Variants in CFTR observed in about 807,000 individuals in gnomAD.
CFTR encodes the protein cystic fibrosis transmembrane conductance regulator.
In CFTR, 181 loss-of-function variants were observed where a neutral mutation model predicts 171.6. That is an observed-to-expected ratio of 1.05 (90% CI 0.93 to 1.19). The LOEUF (loss-of-function observed/expected upper bound fraction) is 1.19. Ranked by LOEUF, CFTR falls within the 50% of genes most tolerant of loss-of-function variation. CFTR has a pLI of 0.00. For missense variants in CFTR, 1,968 were observed against 1,734.7 expected (o/e 1.13, Z -2.39); for synonymous variants, 583 against 608.0 (o/e 0.96, Z 0.60).
intron 23 of CFTR, among the ~76,000 whole-genome samples, chr7:117,649,361 GAT>G (rs769699216): frequency 6.9e-6 from 1 of 144,904 alleles, no homozygotes; most frequent in African/African-American, 2.5e-5. Context: ...CACACATCTA[GAT>G]ATATATATAC....
At chr7:117,590,853 G>T (rs1288532817) in intron 13 of CFTR, among the ~76,000 whole-genome samples, 3 of 151,884 alleles carry the variant, frequency 2.0e-5, no homozygotes, top group Admixed American at 6.6e-5. Context: ...TGTTTTACTG[G>T]TTTAATATGC....
intron 24 of CFTR, among the ~76,000 whole-genome samples, chr7:117,660,359 C>T (rs1318907818): frequency 2.0e-5 from 3 of 151,994 alleles, no homozygotes; most frequent in Non-Finnish European, 2.9e-5. Flanking sequence ...GGGCAGGACG[C>T]AGTGGCTCAC....
At chr7:117,641,852 T>C (rs967047815) in intron 22 of CFTR, among the ~76,000 whole-genome samples, 15 of 152,374 alleles carry the variant, frequency 9.8e-5, no homozygotes, top group Middle Eastern at 3.4e-3. Flanking sequence ...AGAATGTGAT[T>C]TGACAACTGT....
chr7:117,569,365 A>G (rs1045331471), intron 11 of CFTR, among the ~76,000 whole-genome samples: 1 of 152,172 alleles, frequency 6.6e-6, no homozygotes, highest in Admixed American at 6.6e-5. Context: ...TCCGCTTTGG[A>G]GAGGCCAAGT....
intron 1 of CFTR, among the ~76,000 whole-genome samples, chr7:117,482,651 C>CAT (rs1418182808): frequency 6.6e-6 from 1 of 152,116 alleles, no homozygotes; most frequent in Non-Finnish European, 1.5e-5. Context: ...ATTTATAATT[C>CAT]ATATACAAGT....
At chr7:117,570,752 T>C (rs1791676219) in intron 11 of CFTR, among the ~76,000 whole-genome samples, 1 of 152,240 alleles carries the variant, frequency 6.6e-6, no homozygotes, top group African/African-American at 2.4e-5. Context: ...AACTTCATAC[T>C]AGTTAATTTA....
In CFTR at chr7:117,536,474, G is replaced by T. The variant is rs1798957192; in HGVS notation, c.744-74G>T. 5 of 1,394,362 alleles carry T rather than the reference G, an allele frequency of 3.6e-6. No homozygotes were observed. The East Asian group carries it at 7.5e-5, about 21-fold the overall frequency. The allele number at this position is 1,394,362 out of a possible 1,614,324, so 86.4% of individuals were successfully genotyped here. ...TAAAAGAAATATGACTTAAAACCTT[G>T]AGCAGTTCTTAATAGATAATTTGAC... is the stretch of plus-strand genomic sequence containing the variant. On this transcript the variant is annotated intron_variant, in intron 6 of 26. Transcript: ENST00000003084.
At chr7:117,514,211 C>T (rs1469648572) in intron 3 of CFTR, among the ~76,000 whole-genome samples, 13 of 151,698 alleles carry the variant, frequency 8.6e-5, no homozygotes, top group Admixed American at 3.9e-4. Context: ...AATCCAACAA[C>T]GAGATACATG....
intron 1 of CFTR, among the ~76,000 whole-genome samples, chr7:117,484,463 C>T (rs966491866): frequency 3.3e-5 from 5 of 152,152 alleles, no homozygotes; most frequent in Admixed American, 3.3e-4. Flanking sequence ...GATAGGAGCC[C>T]TTCTGTCTTG....
intron 1 of CFTR, among the ~76,000 whole-genome samples, chr7:117,501,776 CA>C (rs796991857): frequency 0.024 from 2,044 of 84,310 alleles, 18 homozygotes; most frequent in East Asian, 0.1. Flanking sequence ...AAAAAAGAAA[CA>C]AAAAAAAAAA....
chr7:117,596,101 C>T (rs944612745), intron 15 of CFTR, among the ~76,000 whole-genome samples: 1 of 152,172 alleles, frequency 6.6e-6, no homozygotes, highest in Non-Finnish European at 1.5e-5. Context: ...CCTTTCTGGG[C>T]TGGCCAAGGC....
At chr7:117,521,374 C>T (rs956227593) in intron 3 of CFTR, among the ~76,000 whole-genome samples, 1 of 151,938 alleles carries the variant, frequency 6.6e-6, no homozygotes, top group South Asian at 2.1e-4. Context: ...TTTTTCCTGA[C>T]TCTAAATGTA....
At chr7:117,606,909 TAA>T (rs1051040328) in intron 18 of CFTR, among the ~76,000 whole-genome samples, 156 bp downstream of exon 18, 1 of 152,128 alleles carries the variant, frequency 6.6e-6, no homozygotes, top group Non-Finnish European at 1.5e-5. Context: ...AAAATAGACA[TAA>T]GTTTAGTAAA....
chr7:117,488,395 T>G (rs1000056210), intron 1 of CFTR, among the ~76,000 whole-genome samples: 2 of 152,132 alleles, frequency 1.3e-5, no homozygotes, highest in African/African-American at 4.8e-5. Flanking sequence ...TAAAAGTAAG[T>G]GAAACATTTA....
chr7:117,534,545 G>A (rs1042376670), intron 5 of CFTR, among the ~76,000 whole-genome samples, 180 bp downstream of exon 5: 1 of 152,114 alleles, frequency 6.6e-6, no homozygotes, highest in Non-Finnish European at 1.5e-5. Context: ...CTGGGGTCTG[G>A]TAGAACCACC....
chr7:117,568,989 C>A (rs1001971732), intron 11 of CFTR, among the ~76,000 whole-genome samples: 1 of 152,214 alleles, frequency 6.6e-6, no homozygotes, highest in African/African-American at 2.4e-5. Flanking sequence ...AGGGTGAAAA[C>A]AATGTGTTCC....
chr7:117,599,869 T>C (rs1349388079), intron 15 of CFTR, among the ~76,000 whole-genome samples: 1 of 152,102 alleles, frequency 6.6e-6, no homozygotes, highest in Non-Finnish European at 1.5e-5. Flanking sequence ...CTCATGAGCA[T>C]GTCACATTCT....
intron 10 of CFTR, among the ~76,000 whole-genome samples, chr7:117,553,444 G>C (rs1463049969): frequency 6.6e-6 from 1 of 152,104 alleles, no homozygotes; most frequent in Non-Finnish European, 1.5e-5. Flanking sequence ...AAGTGGTCAA[G>C]CATTTGTGTA....
intron 12 of CFTR, among the ~76,000 whole-genome samples, 200 bp downstream of exon 12, chr7:117,588,033 A>G (rs919193722): frequency 6.6e-6 from 1 of 152,024 alleles, no homozygotes; most frequent in Non-Finnish European, 1.5e-5. Context: ...GATTATGGTT[A>G]CTCAGAATCT....
Sources: allele counts gnomAD v4.1 joint callset (sites outside exome capture counted in the v4.1 genomes callset), GRCh38; gene constraint gnomAD v4.1.1; transcripts MANE v1.5; gene names NCBI Gene and HGNC (gene_info 2026-07-23, HGNC 2026-07-21).